RFFL: variants seen among roughly 807,000 people sequenced by gnomAD.
RFFL encodes E3 ubiquitin-protein ligase rififylin.
Under a neutral mutation model 40.4 loss-of-function variants are expected in RFFL, and 16 were observed. That is an observed-to-expected ratio of 0.40 (90% CI 0.27 to 0.60). The LOEUF is 0.60. Ranked by LOEUF, RFFL falls within the 20% of genes least tolerant of loss-of-function variation. The pLI, the probability that RFFL is intolerant of heterozygous loss-of-function variation, is 0.47. For missense variants in RFFL, 367 were observed against 451.7 expected, an observed-to-expected ratio of 0.81 and a Z score of 1.70; for synonymous variants, 154 against 167.9, an observed-to-expected ratio of 0.92 and a Z score of 0.64.
Position 35,039,700 on chromosome 17 carries a change from G to A in RFFL, c.-8-13139C>T, listed in dbSNP as rs529661974. 3.9e-4 allele frequency among the ~76,000 whole-genome samples: 58 copies of A among 147,014 alleles called. No homozygotes were observed. In the South Asian group the frequency reaches 0.012, roughly 30 times the overall value. ...TGACTCCACTTTTTTTTTTTGAAAC[G>A]GAATTTCACTCTTGTTGCCCAGGCT... On this transcript the variant is annotated intron_variant, in intron 1 of 6. Transcript: ENST00000394597.
intron 2 of RFFL, among the ~76,000 whole-genome samples, chr17:35,024,301 G>C (rs573772792): frequency 1.3e-5 from 2 of 152,092 alleles, no homozygotes; most frequent in African/African-American, 4.8e-5. Flanking sequence ...AGCACAAAGT[G>C]GATGCTCCAG....
chr17:35,086,992 C>T (rs1350717645), intron 1 of RFFL, among the ~76,000 whole-genome samples: 1 of 152,140 alleles, frequency 6.6e-6, no homozygotes, highest in Non-Finnish European at 1.5e-5. Context: ...AAATTGTGCC[C>T]TTTTTTGTTA....
rs775685081 is a variant in RFFL at position 35,021,435 on chromosome 17, T to C, written c.527A>G (p.Asn176Ser). 3 of 1,536,018 alleles carry C rather than the reference T, an allele frequency of 2.0e-6. No homozygotes were observed. The highest frequency in any genetic ancestry group is 2.6e-6 in the Non-Finnish European group (3 of 1,144,662). ...HSSMVPPTSPNLPSSSAQATS... is the reference protein window; with the variant it reads ...HSSMVPPTSPSLPSSSAQATS... Reference sequence around the variant, plus strand: ...GGCTTGTGCAGATGAAGAGGGGAGGTTGGGTGAGGTAGGTGGAACCATGCT... The same window carrying C: ...GGCTTGTGCAGATGAAGAGGGGAGGCTGGGTGAGGTAGGTGGAACCATGCT... Residue 176 changes from asparagine to serine, a missense_variant, in exon 3 of 7, where the codon AAC (asparagine) becomes AGC (serine). Physicochemically the swap from Asn to Ser is conservative, Grantham distance 46 (BLOSUM62 1). Transcript: ENST00000394597.
intron 1 of RFFL, among the ~76,000 whole-genome samples, chr17:35,038,394 TGCATATACACGCG>T (rs2091140019): frequency 6.6e-6 from 1 of 151,874 alleles, no homozygotes; most frequent in African/African-American, 2.4e-5. Context: ...TGCGCGCGCG[TGCATATACACGCG>T]CACCCACATC....
At position 35,017,713 on chromosome 17, in the gene RFFL, C is replaced by G. The variant is rs1201012898; in HGVS notation, c.592-107G>C. 2.5e-5 allele frequency: 19 copies of G among 762,208 alleles called. 1 individual carries two copies. 47.2% of individuals were successfully genotyped at this position (762,208 alleles called of 1,614,324 possible). A position where few individuals can be genotyped will look rare whatever the true frequency, so the allele number is the denominator to read the frequency against. The stretch of plus-strand genomic sequence containing the variant: ...TGTCCAGAATGTACTCCCATCATGC[C>G]CAGAAATCCGGAGCCTCTTACAGCA... On this transcript the variant is annotated intron_variant, in intron 3 of 6. Transcript: ENST00000394597.
In RFFL at chr17:35,031,617, T is replaced by C. The variant is rs1287702479; in HGVS notation, c.-8-5056A>G. On this transcript the variant is annotated intron_variant, in intron 1 of 6. Coordinates refer to ENST00000394597, the MANE Select transcript of RFFL (RefSeq NM_001017368.2). ...TAACGGAGGTTTGCACCATGTATTA[T>C]TGGGAGGCTACACAGAGGGAAATGA... is the stretch of plus-strand genomic sequence containing the variant. Among the ~76,000 whole-genome samples the C allele has an allele frequency of 3.3e-5, 5 of 151,874 alleles. No homozygotes were observed. In the South Asian group the frequency reaches 6.2e-4, roughly 19 times the overall value.
intron 1 of RFFL, among the ~76,000 whole-genome samples, chr17:35,080,044 C>CA: frequency 1.3e-5 from 2 of 152,240 alleles, no homozygotes; most frequent in African/African-American, 4.8e-5. Flanking sequence ...CACCCCTTGA[C>CA]AAAAATCCAG....
intron 1 of RFFL, among the ~76,000 whole-genome samples, chr17:35,042,823 C>CAAAAA (rs11296826): frequency 9.8e-3 from 549 of 55,810 alleles, no homozygotes; most frequent in Non-Finnish European, 0.013. Context: ...GACTCCATCT[C>CAAAAA]AAAAAAAAAA....
At chr17:35,049,095 G>A (rs2091216977) in intron 1 of RFFL, among the ~76,000 whole-genome samples, 1 of 152,074 alleles carries the variant, frequency 6.6e-6, no homozygotes, top group Non-Finnish European at 1.5e-5. Context: ...ACAACAAAAT[G>A]CAAAATGCCT....
intron 3 of RFFL, among the ~76,000 whole-genome samples, chr17:35,019,373 G>A (rs778901303): frequency 1.3e-5 from 2 of 151,952 alleles, no homozygotes; most frequent in Non-Finnish European, 2.9e-5. Context: ...TGAAAAGTTT[G>A]CTTGGTTTTT....
chr17:35,076,138 C>T lies in RFFL; in HGVS notation c.-9+12967G>A, dbSNP rs548329206. On this transcript the variant is annotated intron_variant, in intron 1 of 6. Coordinates refer to the RFFL transcript ENST00000315249. ...CCTCTCGAATAGCTGGGACTACAGG[C>T]GCGTGCCACCACACCTGGCTAATTT... Among the ~76,000 whole-genome samples, 38 of 151,722 alleles carry T rather than the reference C, an allele frequency of 2.5e-4. No individual in the cohort carries two copies. The East Asian group carries it at 6.7e-3, about 27-fold the overall frequency.
intron 1 of RFFL, among the ~76,000 whole-genome samples, chr17:35,047,843 C>T (rs1273118089): frequency 1.3e-5 from 2 of 151,872 alleles, no homozygotes; most frequent in African/African-American, 2.4e-5. Context: ...CCTCTGCCTC[C>T]CAGGCTCAAG....
intron 1 of RFFL, among the ~76,000 whole-genome samples, chr17:35,041,378 G>C (rs2091164174): frequency 6.6e-6 from 1 of 151,972 alleles, no homozygotes; most frequent in South Asian, 2.1e-4. Flanking sequence ...TCCACCCAAT[G>C]AAAGAAATCA....
At chr17:35,060,563 G>A (rs554547754) in intron 1 of RFFL, among the ~76,000 whole-genome samples, 1 of 152,282 alleles carries the variant, frequency 6.6e-6, no homozygotes, top group East Asian at 1.9e-4. Context: ...AAAACCATAT[G>A]AGGGAAATAA....
chr17:35,083,868 GC>G (rs542346947), intron 1 of RFFL, among the ~76,000 whole-genome samples: 14 of 151,292 alleles, frequency 9.3e-5, no homozygotes, highest in African/African-American at 1.7e-4. Context: ...AGGAGATAAT[GC>G]CCCCCCCACC....
At chr17:35,046,847 GGA>G (rs1178349671) in intron 1 of RFFL, among the ~76,000 whole-genome samples, 3 of 152,194 alleles carry the variant, frequency 2.0e-5, no homozygotes, top group African/African-American at 4.8e-5. Flanking sequence ...GTGGAGTTTA[GGA>G]GAGATGACAG....
At chr17:35,061,838 G>A (rs1334372170) in intron 1 of RFFL, among the ~76,000 whole-genome samples, 5 of 151,640 alleles carry the variant, frequency 3.3e-5, no homozygotes, top group Non-Finnish European at 7.4e-5. Flanking sequence ...GTGCCACCAC[G>A]CCCAGCTAAT....
At chr17:35,029,999 T>C (rs2091071931) in intron 1 of RFFL, among the ~76,000 whole-genome samples, 2 of 151,118 alleles carry the variant, frequency 1.3e-5, no homozygotes, top group South Asian at 4.2e-4. Flanking sequence ...ATTTCATCCA[T>C]GTCCCTACAA....
At chr17:35,058,405 T>C (rs1245433446) in intron 1 of RFFL, among the ~76,000 whole-genome samples, 1 of 152,184 alleles carries the variant, frequency 6.6e-6, no homozygotes, top group Non-Finnish European at 1.5e-5. Context: ...ATGCCCAAAC[T>C]ACCCATTTAA....
Sources: gnomAD v4.1 joint callset for allele counts (sites outside exome capture counted in the v4.1 genomes callset) on GRCh38, gnomAD v4.1.1 for gene constraint, MANE v1.5 for transcripts, NCBI Gene and HGNC (gene_info 2026-07-23, HGNC 2026-07-21) for gene names.